Variants in SH3D19 observed in about 807,000 individuals in gnomAD.
SH3D19 encodes SH3 domain containing 19.
A neutral mutation model predicts 112.1 loss-of-function variants in SH3D19; 58 were observed. The observed-to-expected ratio is 0.52, with a 90% CI of 0.42 to 0.64. The LOEUF (loss-of-function observed/expected upper bound fraction) is 0.64, where lower values mean the gene tolerates loss of function less well. SH3D19 is among the 30% of genes least tolerant of loss of function. The pLI is 0.00. For missense variants in SH3D19, 1,090 were observed against 1,263.4 expected (o/e 0.86, Z 2.08); for synonymous variants, 391 against 448.5 (o/e 0.87, Z 1.62).
intron 2 of SH3D19, among the ~76,000 whole-genome samples, chr4:151,224,262 T>C (rs1180816367): frequency 2.6e-5 from 4 of 152,074 alleles, no homozygotes; most frequent in African/African-American, 9.7e-5. Flanking sequence ...TGAGCCGAGA[T>C]TGTGCCACTG....
chr4:151,202,797 A>G (rs2149889624), intron 2 of SH3D19, among the ~76,000 whole-genome samples: 1 of 152,316 alleles, frequency 6.6e-6, no homozygotes, highest in African/African-American at 2.4e-5. Flanking sequence ...AAGTATTTAT[A>G]TTTTATTAAT....
At chr4:151,265,528 T>C (rs942638041) in intron 1 of SH3D19, among the ~76,000 whole-genome samples, 4 of 151,404 alleles carry the variant, frequency 2.6e-5, no homozygotes, top group African/African-American at 4.8e-5. Context: ...TGCTTTTTAA[T>C]AGAATGATCA....
chr4:151,262,803 A>G (rs576713328), intron 1 of SH3D19: 39 of 152,114 alleles, frequency 2.6e-4, no homozygotes, highest in African/African-American at 9.2e-4. Context: ...CATCCAAACC[A>G]GTGGGCCTGG....
chr4:151,174,209 C>G (rs1392759084), intron 7 of SH3D19, among the ~76,000 whole-genome samples: 1 of 152,194 alleles, frequency 6.6e-6, no homozygotes, highest in African/African-American at 2.4e-5. Flanking sequence ...ATCTGAGGAG[C>G]CCCTCTGGGG....
At chr4:151,323,459 TTAAC>T (rs1205876219) in intron 1 of SH3D19, among the ~76,000 whole-genome samples, 1 of 152,166 alleles carries the variant, frequency 6.6e-6, no homozygotes, top group African/African-American at 2.4e-5. Context: ...GAAAAACATG[TTAAC>T]TAATAAGGGG....
At chr4:151,226,111 T>C in intron 1 of SH3D19, 25 bp from the exon 2 acceptor site, 2 of 1,231,390 alleles carry the variant, frequency 1.6e-6, no homozygotes, top group Non-Finnish European at 2.0e-6. Context: ...GATGGTTACG[T>C]GTCAAAAGGT....
chr4:151,208,878 C>T (rs1394494171), intron 2 of SH3D19, among the ~76,000 whole-genome samples: 3 of 149,322 alleles, frequency 2.0e-5, no homozygotes, highest in African/African-American at 2.5e-5. Context: ...GGGGTTTCAC[C>T]GTGTTAGCCA....
At chr4:151,281,533 A>C (rs1774235711) in intron 1 of SH3D19, among the ~76,000 whole-genome samples, 1 of 152,112 alleles carries the variant, frequency 6.6e-6, no homozygotes, top group Non-Finnish European at 1.5e-5. Flanking sequence ...CAGGATTCTA[A>C]AACTGAAAAA....
intron 1 of SH3D19, among the ~76,000 whole-genome samples, chr4:151,305,852 T>A (rs1484936288): frequency 6.6e-6 from 1 of 152,174 alleles, no homozygotes; most frequent in Non-Finnish European, 1.5e-5. Flanking sequence ...TTCATAATCA[T>A]CAAATACTGA....
intron 10 of SH3D19, among the ~76,000 whole-genome samples, chr4:151,148,398 A>T (rs968071042): frequency 1.1e-4 from 16 of 152,198 alleles, no homozygotes; most frequent in Non-Finnish European, 2.2e-4. Context: ...AGGAAATGCC[A>T]TGATGTTCCA....
At chr4:151,240,110 A>AT (rs34566066) in intron 1 of SH3D19, among the ~76,000 whole-genome samples, 120,139 of 151,710 alleles carry the variant, frequency 0.79, 49,833 homozygotes, top group Non-Finnish European at 0.93. Context: ...ACCAAAAGAA[A>AT]TTTTTTTTAA....
At chr4:151,159,463 C>CAAA (rs1164832021) in intron 8 of SH3D19, 111 bp from the exon 9 acceptor site, 1 of 659,354 alleles carries the variant, frequency 1.5e-6, no homozygotes, top group Non-Finnish European at 2.6e-6. Flanking sequence ...AAGATACACA[C>CAAA]AAATAGTTAA....
At chr4:151,282,540 T>A (rs990844974) in intron 1 of SH3D19, 1 of 888,450 alleles carries the variant, frequency 1.1e-6, no homozygotes, top group Non-Finnish European at 1.7e-6. Context: ...CTAATGATAT[T>A]ATCTATAAGT....
intron 8 of SH3D19, among the ~76,000 whole-genome samples, chr4:151,164,935 G>T (rs940929312): frequency 6.6e-6 from 1 of 152,036 alleles, no homozygotes; most frequent in Non-Finnish European, 1.5e-5. Context: ...GCTCTTCACC[G>T]AATTCACACA....
chr4:151,310,217 A>G (rs7677725), intron 1 of SH3D19, among the ~76,000 whole-genome samples: 22,463 of 129,114 alleles, frequency 0.17, 1,749 homozygotes, highest in South Asian at 0.29. Context: ...TTACAAAAAA[A>G]AAAAAAAAAA....
chr4:151,134,418 A>T (rs1751390792), intron 15 of SH3D19, among the ~76,000 whole-genome samples: 2 of 152,234 alleles, frequency 1.3e-5, no homozygotes, highest in African/African-American at 4.8e-5. Context: ...GATAAAGGAA[A>T]ACCCCTTCAA....
chr4:151,238,627 A>G (rs538797067), intron 1 of SH3D19, among the ~76,000 whole-genome samples: 1 of 152,228 alleles, frequency 6.6e-6, no homozygotes, highest in South Asian at 2.1e-4. Context: ...TCCCTCTGGT[A>G]TAAGAACACT....
chr4:151,311,169 C>T (rs1009741115), intron 1 of SH3D19, among the ~76,000 whole-genome samples: 2 of 148,686 alleles, frequency 1.3e-5, no homozygotes, highest in African/African-American at 2.6e-5. Flanking sequence ...GAATTTTATT[C>T]AGCCTTTAAA....
intron 12 of SH3D19, 126 bp from the exon 13 acceptor site, chr4:151,139,973 A>C: frequency 1.7e-4 from 116 of 690,234 alleles, no homozygotes; most frequent in East Asian, 1.1e-4. Context: ...TGAGTACATG[A>C]TGCAAACCAC....
Sources: allele counts gnomAD v4.1 joint callset (sites outside exome capture counted in the v4.1 genomes callset), GRCh38; gene constraint gnomAD v4.1.1; transcripts MANE v1.5; gene names NCBI Gene and HGNC (gene_info 2026-07-23, HGNC 2026-07-21).